Variants in TRABD2B observed in about 807,000 individuals in gnomAD.
The protein encoded by TRABD2B is TraB domain containing 2B.
A neutral mutation model predicts 40.1 loss-of-function variants in TRABD2B; 14 were observed. That is an observed-to-expected ratio of 0.35 (90% CI 0.23 to 0.55). The LOEUF (loss-of-function observed/expected upper bound fraction) is 0.55. Among genes scored for constraint, TRABD2B ranks in the 20% least tolerant of loss-of-function variants. The pLI is 0.90. For synonymous variants in TRABD2B, 263 were observed against 277.0 expected (o/e 0.95, Z 0.50); for missense variants, 541 against 648.6 (o/e 0.83, Z 1.80).
intron 2 of TRABD2B, among the ~76,000 whole-genome samples, chr1:47,884,958 C>A (rs185548386): frequency 2.0e-5 from 3 of 152,190 alleles, no homozygotes; most frequent in Non-Finnish European, 2.9e-5. Context: ...TGGCACTCTG[C>A]CTCCCACTTT....
At chr1:47,873,693 T>C (rs955752765) in intron 2 of TRABD2B, among the ~76,000 whole-genome samples, 18 of 152,182 alleles carry the variant, frequency 1.2e-4, no homozygotes, top group African/African-American at 4.3e-4. Context: ...ATGCACGGTC[T>C]TGGTGGCCCT....
intron 2 of TRABD2B, among the ~76,000 whole-genome samples, chr1:47,815,856 T>TA (rs1645025660): frequency 6.7e-6 from 1 of 149,334 alleles, no homozygotes. Flanking sequence ...TAGATAGAAA[T>TA]AGAGTCAGGA....
chr1:47,824,591 C>T (rs1645151310), intron 2 of TRABD2B, among the ~76,000 whole-genome samples: 2 of 152,198 alleles, frequency 1.3e-5, no homozygotes, highest in Admixed American at 6.5e-5. Flanking sequence ...AAAGCCCATG[C>T]CCTATTCATT....
rs75129735 is a variant in TRABD2B at position 47,835,646 on chromosome 1, T to C, written c.667-34027A>G. On this transcript the variant is annotated intron_variant, in intron 2 of 6. Coordinates refer to ENST00000606738, the MANE Select transcript of TRABD2B (RefSeq NM_001194986.2). ...AGTGCTAAAAGGAAAAGAACGTCAA[T>C]GAAGAATTCTATATCCAGCAAAACT... Among the ~76,000 whole-genome samples, 983 of 152,278 alleles carry C rather than the reference T, an allele frequency of 6.5e-3. 14 individuals are homozygous for C. The highest frequency in any genetic ancestry group is 0.022 in the African/African-American group (911 of 41,554).
intron 2 of TRABD2B, among the ~76,000 whole-genome samples, chr1:47,869,068 A>G (rs1049727148): frequency 4.0e-5 from 6 of 151,684 alleles, no homozygotes; most frequent in African/African-American, 1.2e-4. Flanking sequence ...CCTTCCCCCA[A>G]ATGAATTATG....
chr1:47,821,240 T>G (rs1360837960), intron 2 of TRABD2B, among the ~76,000 whole-genome samples: 1 of 152,182 alleles, frequency 6.6e-6, no homozygotes, highest in Non-Finnish European at 1.5e-5. Context: ...TGTATAAGGC[T>G]CTGTGCTATG....
intron 2 of TRABD2B, among the ~76,000 whole-genome samples, chr1:47,957,091 A>G (rs998394636): frequency 6.6e-6 from 1 of 152,238 alleles, no homozygotes; most frequent in African/African-American, 2.4e-5. Flanking sequence ...ACCCAGGCAA[A>G]CAGTGTCTGG....
chr1:47,924,326 A>G (rs1292024698), intron 2 of TRABD2B, among the ~76,000 whole-genome samples: 2 of 152,172 alleles, frequency 1.3e-5, no homozygotes, highest in African/African-American at 4.8e-5. Flanking sequence ...ATCAAAGCAG[A>G]ACACAGTACA....
Position 47,791,803 on chromosome 1 carries a change from T to G in TRABD2B, c.988+2783A>C, listed in dbSNP as rs181722455. ...ACAGCTTTCATGCGGATGCGTTCCATGTCAATAGGATGACTCTGTAACAGG... is the reference window on the plus strand; with the variant it reads ...ACAGCTTTCATGCGGATGCGTTCCAGGTCAATAGGATGACTCTGTAACAGG... On this transcript the variant is annotated intron_variant, in intron 4 of 6. Transcript: ENST00000606738. Among the ~76,000 whole-genome samples, 3 of 152,324 alleles carry G rather than the reference T, an allele frequency of 2.0e-5. No homozygotes were observed. The East Asian group carries it at 5.8e-4, about 29-fold the overall frequency.
chr1:47,830,407 G>C (rs568759373), intron 2 of TRABD2B, among the ~76,000 whole-genome samples: 3 of 152,246 alleles, frequency 2.0e-5, no homozygotes, highest in African/African-American at 7.2e-5. Flanking sequence ...AAGTGACTTC[G>C]TAAGTTCACT....
intron 2 of TRABD2B, among the ~76,000 whole-genome samples, chr1:47,840,486 C>A (rs2124482673): frequency 6.6e-6 from 1 of 152,338 alleles, no homozygotes; most frequent in South Asian, 2.1e-4. Flanking sequence ...TAGGCCCAGC[C>A]TCCTGTCCCT....
In TRABD2B at chr1:47,764,462, A is replaced by G. The variant is rs1047551496; in HGVS notation, c.*1440T>C. 1 of 152,144 alleles carries G rather than the reference A, an allele frequency of 6.6e-6. No individual in the cohort carries two copies. The highest frequency in any genetic ancestry group is 1.5e-5 in the Non-Finnish European group (1 of 68,046). The allele number at this position is 152,144 out of a possible 1,614,324, so 9.4% of individuals were successfully genotyped here. On this transcript the variant is annotated 3_prime_UTR_variant, in exon 7 of 7. Coordinates refer to ENST00000606738, the MANE Select transcript of TRABD2B (RefSeq NM_001194986.2). ...CCACCTTGAGGAGCCGAGGGGCTAA[A>G]GTCTCTCGGAGTCCCTGTCACCTGC...
Position 47,801,467 on chromosome 1 carries a change from C to T in TRABD2B, c.813+6G>A, listed in dbSNP as rs748861029. 2.6e-6 allele frequency: 4 copies of T among 1,535,316 alleles called. No individual in the cohort carries two copies. The highest frequency in any genetic ancestry group is 3.5e-6 in the Non-Finnish European group (4 of 1,146,310). On this transcript the variant is annotated splice_donor_region_variant and intron_variant, in intron 3 of 6. Coordinates refer to ENST00000606738, the MANE Select transcript of TRABD2B (RefSeq NM_001194986.2). ...AGGTATCCAGGTCTTTGGAGAGGAG[C>T]CTCACCTGGGATGTGTCGTGGTTGA...
At chr1:47,860,907 C>T (rs139837529) in intron 2 of TRABD2B, among the ~76,000 whole-genome samples, 3 of 152,294 alleles carry the variant, frequency 2.0e-5, no homozygotes, top group African/African-American at 7.2e-5. Context: ...TTCAACTCCC[C>T]AGCCTGCAAA....
At chr1:47,853,089 T>C (rs1570127243) in intron 2 of TRABD2B, among the ~76,000 whole-genome samples, 1 of 152,230 alleles carries the variant, frequency 6.6e-6, no homozygotes, top group African/African-American at 2.4e-5. Flanking sequence ...CTAATGAATG[T>C]TGGCTAAGCA....
At chr1:47,913,038 G>C (rs1056089069) in intron 2 of TRABD2B, among the ~76,000 whole-genome samples, 1 of 152,296 alleles carries the variant, frequency 6.6e-6, no homozygotes, top group East Asian at 1.9e-4. Flanking sequence ...GCTGTGAAAA[G>C]GTTCTTTTAC....
chr1:47,844,664 G>A (rs1645444200), intron 2 of TRABD2B, among the ~76,000 whole-genome samples: 1 of 152,184 alleles, frequency 6.6e-6, no homozygotes, highest in African/African-American at 2.4e-5. Flanking sequence ...AAAGCATAAA[G>A]TGATGTGAGT....
intron 2 of TRABD2B, among the ~76,000 whole-genome samples, chr1:47,945,243 G>A (rs1473412309): frequency 6.6e-6 from 1 of 152,162 alleles, no homozygotes; most frequent in Non-Finnish European, 1.5e-5. Flanking sequence ...GGGAGACGAT[G>A]AGCCCCCAGG....
Position 47,930,509 on chromosome 1 carries a change from C to T in TRABD2B, c.666+63525G>A, listed in dbSNP as rs567097904. ...ACGAGTCCGCGATAGTAAACCAGGC[C>T]TGCTCTGCCTGCCCTCCTCCCTGCT... On this transcript the variant is annotated intron_variant, in intron 2 of 6. Transcript: ENST00000606738. Among the ~76,000 whole-genome samples, 37 of 152,262 alleles carry T rather than the reference C, an allele frequency of 2.4e-4. 1 individual carries two copies. The South Asian group carries it at 7.7e-3, about 32-fold the overall frequency.
Sources: gnomAD v4.1 joint callset for allele counts (sites outside exome capture counted in the v4.1 genomes callset) on GRCh38, gnomAD v4.1.1 for gene constraint, MANE v1.5 for transcripts, NCBI Gene and HGNC (gene_info 2026-07-23, HGNC 2026-07-21) for gene names.